Variants in MFHAS1 observed in about 807,000 individuals in gnomAD.
MFHAS1 encodes multifunctional ROCO family signaling regulator 1.
MFHAS1 carries 50 observed loss-of-function variants against 70.4 expected under a neutral mutation model. The observed-to-expected ratio is 0.71, with a 90% CI of 0.57 to 0.90. MFHAS1 has a LOEUF of 0.90. Ranked by LOEUF, MFHAS1 falls within the 40% of genes least tolerant of loss-of-function variation. The probability of loss-of-function intolerance (pLI) is 0.00; values close to 1 mark genes in which losing one functional copy is unlikely to be tolerated. For missense variants in MFHAS1, 1,795 were observed against 1,347.6 expected (o/e 1.33, Z -5.20); for synonymous variants, 952 against 620.0 (o/e 1.54, Z -7.96).
At chr8:8,871,199 G>A (rs1585063575) in intron 1 of MFHAS1, among the ~76,000 whole-genome samples, 1 of 152,132 alleles carries the variant, frequency 6.6e-6, no homozygotes. Flanking sequence ...CTCCTCATCT[G>A]TAAACCAGGA....
intron 1 of MFHAS1, among the ~76,000 whole-genome samples, chr8:8,889,012 G>GAA (rs66863310): frequency 2.5e-5 from 1 of 40,680 alleles, no homozygotes; most frequent in African/African-American, 1.2e-4. Flanking sequence ...ACTGCTCTAA[G>GAA]AAAAAAAAAA....
chr8:8,810,367 A>G (rs1806501021), intron 1 of MFHAS1, among the ~76,000 whole-genome samples: 1 of 152,150 alleles, frequency 6.6e-6, no homozygotes, highest in African/African-American at 2.4e-5. Flanking sequence ...CCGTCTTGGG[A>G]AAAAACAAAT....
Position 8,891,013 on chromosome 8 carries a change from G to T in MFHAS1, c.2046C>A (p.Ser682Arg). Residue 682 changes from serine (S) to arginine (R), a missense_variant, in exon 1 of 3, where the codon AGC (serine) becomes AGA (arginine). Ser to Arg is a moderately radical substitution (Grantham distance 110). Coordinates refer to ENST00000276282, the MANE Select transcript of MFHAS1 (RefSeq NM_004225.3). The surrounding 1 kb of genome is among the most constrained non-coding windows in gnomAD (Gnocchi z 5.4). The part of the protein sequence containing the change: ...QPPQAQRLWL[S>R]WWDSARLGLQ... ...GGCCCAAGCGCGCCGAGTCCCACCA[G>T]CTTAGCCACAGTCGCTGGGCCTGAG... The T allele has an allele frequency of 6.2e-7, 1 of 1,613,894 alleles. No individual in the cohort carries two copies. Among genetic ancestry groups the T allele is most frequent in the Non-Finnish European group, 8.5e-7 (1 of 1,179,962 alleles).
intron 2 of MFHAS1, among the ~76,000 whole-genome samples, chr8:8,796,937 A>T (rs1805922688): frequency 6.6e-6 from 1 of 151,922 alleles, no homozygotes; most frequent in Non-Finnish European, 1.5e-5. Flanking sequence ...CGGAGCTTGC[A>T]GTGAGCCGAG....
intron 1 of MFHAS1, among the ~76,000 whole-genome samples, chr8:8,815,120 G>C (rs1458572786): frequency 2.0e-5 from 3 of 152,056 alleles, no homozygotes; most frequent in African/African-American, 7.3e-5. Flanking sequence ...TGCGGTGTTT[G>C]GTTTTCTGTT....
intron 2 of MFHAS1, among the ~76,000 whole-genome samples, chr8:8,787,935 G>T (rs1315373463): frequency 1.3e-5 from 2 of 152,178 alleles, no homozygotes; most frequent in African/African-American, 4.8e-5. Context: ...GGATCTTAGA[G>T]AAAACAACCA....
intron 1 of MFHAS1, among the ~76,000 whole-genome samples, chr8:8,854,769 TTC>T (rs1808372267): frequency 2.0e-5 from 3 of 152,190 alleles, no homozygotes; most frequent in African/African-American, 7.2e-5. Flanking sequence ...CTAAAAATTA[TTC>T]GTTGCTTACG....
At chr8:8,864,713 G>A (rs1002953640) in intron 1 of MFHAS1, among the ~76,000 whole-genome samples, 29 of 152,118 alleles carry the variant, frequency 1.9e-4, no homozygotes, top group Admixed American at 6.5e-4. Context: ...CCAGTTGCAT[G>A]CCAGGATAAA....
intron 1 of MFHAS1, among the ~76,000 whole-genome samples, chr8:8,870,908 C>G (rs1809051040): frequency 6.6e-6 from 1 of 152,210 alleles, no homozygotes; most frequent in Non-Finnish European, 1.5e-5. Flanking sequence ...GCATTTCACA[C>G]AAGGAGTCCT....
intron 1 of MFHAS1, among the ~76,000 whole-genome samples, chr8:8,845,219 A>G (rs1807984746): frequency 6.6e-6 from 1 of 152,242 alleles, no homozygotes; most frequent in African/African-American, 2.4e-5. Context: ...AGCTGAACAA[A>G]TAATGGTAGT....
chr8:8,878,636 A>G (rs1809387271), intron 1 of MFHAS1, among the ~76,000 whole-genome samples: 1 of 151,496 alleles, frequency 6.6e-6, no homozygotes, highest in African/African-American at 2.4e-5. Context: ...TTCCCTTTCC[A>G]TTGCGTTTTT....
chr8:8,802,049 A>G (rs17154769), intron 1 of MFHAS1, among the ~76,000 whole-genome samples: 33,262 of 152,152 alleles, frequency 0.22, 6,246 homozygotes, highest in African/African-American at 0.51. Context: ...AATAAGCCTA[A>G]GTTAATCCAG....
intron 1 of MFHAS1, among the ~76,000 whole-genome samples, chr8:8,872,589 C>T (rs1002626801): frequency 3.9e-5 from 6 of 152,100 alleles, no homozygotes; most frequent in Non-Finnish European, 8.8e-5. Context: ...CACCACATTA[C>T]ACAGAGGAGG....
intron 1 of MFHAS1, among the ~76,000 whole-genome samples, chr8:8,847,630 G>C (rs1808084766): frequency 6.6e-6 from 1 of 152,190 alleles, no homozygotes; most frequent in Admixed American, 6.5e-5. Flanking sequence ...GCTTAGAATT[G>C]TCATTTACTA....
intron 1 of MFHAS1, among the ~76,000 whole-genome samples, chr8:8,853,558 T>A (rs945722870): frequency 6.6e-6 from 1 of 150,712 alleles, no homozygotes; most frequent in African/African-American, 2.4e-5. Context: ...AACCATTAGG[T>A]CAGGTCCTAG....
At chr8:8,867,220 G>C (rs1239141547) in intron 1 of MFHAS1, among the ~76,000 whole-genome samples, 38 of 152,162 alleles carry the variant, frequency 2.5e-4, no homozygotes. Flanking sequence ...TTTTATGAAA[G>C]TCACAATGGT....
At chr8:8,817,179 G>GA (rs1806778302) in intron 1 of MFHAS1, among the ~76,000 whole-genome samples, 4 of 151,710 alleles carry the variant, frequency 2.6e-5, no homozygotes, top group Admixed American at 6.6e-5. Context: ...ATCTAAACTG[G>GA]ATATTACATC....
rs113471830 is a variant in MFHAS1 at position 8,797,558 on chromosome 8, C to T, written c.2999-67G>A. ...TAAAAATGGGCTCATTTTACAAAGA[C>T]AGCACTGCCCGGGGATGGGGGCAGG... On this transcript the variant is annotated intron_variant, in intron 1 of 2. Coordinates refer to ENST00000276282, the MANE Select transcript of MFHAS1 (RefSeq NM_004225.3). 1,044 of 1,536,610 alleles carry T rather than the reference C, an allele frequency of 6.8e-4. 13 individuals are homozygous for T. In the African/African-American group the frequency reaches 0.013, roughly 19 times the overall value.
At chr8:8,829,269 C>T (rs953634667) in intron 1 of MFHAS1, among the ~76,000 whole-genome samples, 31 of 152,248 alleles carry the variant, frequency 2.0e-4, no homozygotes, top group African/African-American at 1.9e-4. Flanking sequence ...GCACCCCCAC[C>T]TGGAGGTCCT....
Sources: allele counts gnomAD v4.1 joint callset (sites outside exome capture counted in the v4.1 genomes callset), GRCh38; gene constraint gnomAD v4.1.1; non-coding constraint Gnocchi (gnomAD v3.1); transcripts MANE v1.5; gene names NCBI Gene and HGNC (gene_info 2026-07-23, HGNC 2026-07-21).